Variants in TBC1D5 observed in about 807,000 individuals in gnomAD.
TBC1D5 encodes TBC1 domain family, member 5.
Under a neutral mutation model 100.3 loss-of-function variants are expected in TBC1D5, and 75 were observed. The observed-to-expected ratio is 0.75, with a 90% CI of 0.62 to 0.91. The LOEUF is 0.91. Among genes scored for constraint, TBC1D5 ranks in the 40% least tolerant of loss-of-function variants. TBC1D5 has a pLI of 0.00. For synonymous variants in TBC1D5, 323 were observed against 325.6 expected (o/e 0.99, Z 0.09); for missense variants, 910 against 942.4 (o/e 0.97, Z 0.45).
chr3:17,431,187 T>C (rs1192731051), intron 3 of TBC1D5, among the ~76,000 whole-genome samples: 1 of 151,940 alleles, frequency 6.6e-6, no homozygotes, highest in Admixed American at 6.6e-5. Context: ...CTATGATGTT[T>C]TTACTTGCTA....
intron 8 of TBC1D5, among the ~76,000 whole-genome samples, chr3:17,394,526 G>C (rs1183161103): frequency 6.6e-6 from 1 of 152,024 alleles, no homozygotes; most frequent in African/African-American, 2.4e-5. Flanking sequence ...TGGGTGCCAA[G>C]TACTGGGAAA....
intron 2 of TBC1D5, among the ~76,000 whole-genome samples, chr3:17,575,718 C>T (rs866262225): frequency 2.0e-5 from 3 of 152,176 alleles, no homozygotes; most frequent in Middle Eastern, 3.4e-3. Context: ...AAGGTCTGTA[C>T]TCAGTTCAGA....
intron 19 of TBC1D5, among the ~76,000 whole-genome samples, chr3:17,178,210 C>T (rs527834575): frequency 3.7e-4 from 57 of 152,012 alleles, no homozygotes; most frequent in Admixed American, 1.2e-3. Context: ...GGACTACATG[C>T]GCCCACCACC....
intron 13 of TBC1D5, among the ~76,000 whole-genome samples, chr3:17,335,459 C>G (rs1559656862): frequency 1.3e-5 from 2 of 152,020 alleles, no homozygotes; most frequent in Non-Finnish European, 2.9e-5. Flanking sequence ...GACTCCACAC[C>G]ATAAGGAGAA....
intron 19 of TBC1D5, among the ~76,000 whole-genome samples, chr3:17,170,600 C>A (rs562175705): frequency 6.6e-6 from 1 of 152,106 alleles, no homozygotes; most frequent in African/African-American, 2.4e-5. Flanking sequence ...AAGGTAATGG[C>A]GGGGCCCATG....
chr3:17,728,312 A>G (rs2076282934), intron 1 of TBC1D5, among the ~76,000 whole-genome samples: 1 of 152,216 alleles, frequency 6.6e-6, no homozygotes, highest in Admixed American at 6.5e-5. Flanking sequence ...AAAGGCGTAA[A>G]TATTAGAAAG....
intron 4 of TBC1D5, among the ~76,000 whole-genome samples, chr3:17,414,104 G>A (rs1022345482): frequency 6.6e-6 from 1 of 152,184 alleles, no homozygotes; most frequent in East Asian, 1.9e-4. Context: ...TGATCATGGA[G>A]TTTACAAGGT....
At chr3:17,292,701 T>A (rs901201312) in intron 14 of TBC1D5, among the ~76,000 whole-genome samples, 9 of 152,200 alleles carry the variant, frequency 5.9e-5, no homozygotes, top group African/African-American at 2.2e-4. Context: ...TAGACTACTT[T>A]ACTTCTTGAC....
chr3:17,389,697 G>A (rs965661192), intron 8 of TBC1D5, among the ~76,000 whole-genome samples: 1 of 152,126 alleles, frequency 6.6e-6, no homozygotes, highest in Non-Finnish European at 1.5e-5. Flanking sequence ...CCATCCTACT[G>A]AGCCCTGCTC....
chr3:17,630,895 AT>A (rs2063439827), intron 1 of TBC1D5, among the ~76,000 whole-genome samples: 1 of 149,976 alleles, frequency 6.7e-6, no homozygotes. Flanking sequence ...AAAAAAAAAA[AT>A]AGCCGGGTGT....
rs533669234 is a variant in TBC1D5, at chr3:17,431,910, T to A, written c.98-3391A>T. Among the ~76,000 whole-genome samples the A allele has an allele frequency of 7.7e-4, 118 of 152,258 alleles. 1 individual carries two copies. Among genetic ancestry groups the A allele is most frequent in the African/African-American group, 2.5e-3 (104 of 41,576 alleles). ...CATCTGTGCACTGTTGAAATCTTTCTAAAGGGAGGTTTACAATAGATTTCT... is the reference window on the plus strand; with the variant it reads ...CATCTGTGCACTGTTGAAATCTTTCAAAAGGGAGGTTTACAATAGATTTCT... On this transcript the variant is annotated intron_variant, in intron 3 of 21. Transcript: ENST00000253692.
At position 17,161,017 on chromosome 3, in the gene TBC1D5, A is replaced by G. The variant is rs747345785; in HGVS notation, c.2334T>C (p.Asp778=). 12 of 1,614,104 alleles carry G rather than the reference A, an allele frequency of 7.4e-6. No individual in the cohort carries two copies. In the African/African-American group the frequency reaches 1.6e-4, roughly 22 times the overall value. ...AGCCAGAGTCCTTGCTGCTGTCGTC[A>G]TCAGGACTGGAGCTGGGGTTGCTGG... The change falls in exon 22 of 22, where the codon GAT becomes GAC. Residue 778 remains aspartate, a synonymous_variant. Transcript: ENST00000253692.
At chr3:17,367,411 C>T (rs2092213727) in intron 13 of TBC1D5, among the ~76,000 whole-genome samples, 2 of 152,176 alleles carry the variant, frequency 1.3e-5, no homozygotes, top group African/African-American at 4.8e-5. Flanking sequence ...AAAAATACCA[C>T]AAAAATGACT....
intron 3 of TBC1D5, among the ~76,000 whole-genome samples, chr3:17,464,752 A>G (rs780852387): frequency 1.3e-5 from 2 of 152,144 alleles, no homozygotes; most frequent in Non-Finnish European, 2.9e-5. Flanking sequence ...TCCATTAGCA[A>G]TATTATGTGA....
intron 4 of TBC1D5, among the ~76,000 whole-genome samples, chr3:17,412,291 G>A (rs1179798525): frequency 2.6e-5 from 4 of 151,784 alleles, no homozygotes; most frequent in African/African-American, 7.3e-5. Flanking sequence ...AGTACAGAGG[G>A]GAAAGAAATG....
At chr3:17,600,718 A>G (rs2060876553) in intron 2 of TBC1D5, among the ~76,000 whole-genome samples, 1 of 152,130 alleles carries the variant, frequency 6.6e-6, no homozygotes, top group Non-Finnish European at 1.5e-5. Context: ...AATATTTTCT[A>G]TTTTGGATTC....
intron 4 of TBC1D5, among the ~76,000 whole-genome samples, chr3:17,408,315 A>T (rs1019714610): frequency 7.0e-6 from 1 of 143,772 alleles, no homozygotes. Flanking sequence ...ACACACACAC[A>T]CTTTTTAAAA....
intron 16 of TBC1D5, among the ~76,000 whole-genome samples, chr3:17,256,423 A>G (rs1413338109): frequency 6.8e-6 from 1 of 147,240 alleles, no homozygotes; most frequent in Non-Finnish European, 1.5e-5. Flanking sequence ...ATTGTGTTAT[A>G]TATATAATAT....
chr3:17,657,441 T>C (rs570454393), intron 1 of TBC1D5, among the ~76,000 whole-genome samples: 1 of 150,286 alleles, frequency 6.7e-6, no homozygotes, highest in South Asian at 2.1e-4. Flanking sequence ...GTTCAAGCAA[T>C]TCCCCCTGCC....
Sources: allele counts gnomAD v4.1 joint callset (sites outside exome capture counted in the v4.1 genomes callset), GRCh38; gene constraint gnomAD v4.1.1; transcripts MANE v1.5; gene names NCBI Gene and HGNC (gene_info 2026-07-23, HGNC 2026-07-21).